The following NFATC3 variants were observed in gnomAD, a reference collection of about 807,000 sequenced individuals.
NFATC3 encodes the protein nuclear factor of activated T-cells, cytoplasmic 3.
Under a neutral mutation model 98.6 loss-of-function variants are expected in NFATC3, and 46 were observed. That is an observed-to-expected ratio of 0.47 (90% CI 0.37 to 0.60). NFATC3 has a LOEUF of 0.60. NFATC3 is among the 20% of genes least tolerant of loss of function. The probability of loss-of-function intolerance (pLI) is 0.00; values close to 1 mark genes in which losing one functional copy is unlikely to be tolerated. For missense variants in NFATC3, 1,256 were observed against 1,295.5 expected (o/e 0.97, Z 0.47); for synonymous variants, 512 against 472.2 (o/e 1.08, Z -1.09).
At chr16:68,160,469 C>CA (rs2038839420) in intron 4 of NFATC3, among the ~76,000 whole-genome samples, 1 of 150,780 alleles carries the variant, frequency 6.6e-6, no homozygotes, top group Admixed American at 6.6e-5. Context: ...AGTCTCAAAA[C>CA]AAAAAACAAA....
chr16:68,205,630 C>T (rs766773706), intron 9 of NFATC3, among the ~76,000 whole-genome samples: 23 of 152,116 alleles, frequency 1.5e-4, no homozygotes, highest in Non-Finnish European at 2.5e-4. Context: ...TAAGTAGATA[C>T]TCCATTGTCC....
rs532459944 is a variant in NFATC3 at position 68,111,874 on chromosome 16, A to C, written c.104-10113A>C. On this transcript the variant is annotated intron_variant, in intron 1 of 9. Coordinates refer to ENST00000346183, the MANE Select transcript of NFATC3 (RefSeq NM_173165.3). ...CTGAAAAGGACTTTATTTCTCTTTC[A>C]CTTACGAAGCTTAATTTGTCCGGAT... Among the ~76,000 whole-genome samples the C allele has an allele frequency of 2.6e-5, 4 of 152,270 alleles. No individual in the cohort carries two copies. In the East Asian group the frequency reaches 7.7e-4, roughly 29 times the overall value.
rs2037743422 is a variant in NFATC3 at position 68,141,331 on chromosome 16, G to A, written c.1401+14721G>A. 2.6e-5 allele frequency among the ~76,000 whole-genome samples: 4 copies of A among 152,200 alleles called. No individual in the cohort carries two copies. The South Asian group carries it at 8.3e-4, about 31-fold the overall frequency. On this transcript the variant is annotated intron_variant, in intron 3 of 9. Coordinates refer to ENST00000346183, the MANE Select transcript of NFATC3 (RefSeq NM_173165.3). Reference sequence around the variant, plus strand: ...CCTTTGTATAGATACCTGGTAGTGGGATGGTCGGATTGAATGGTAGATCTA... The same window carrying A: ...CCTTTGTATAGATACCTGGTAGTGGAATGGTCGGATTGAATGGTAGATCTA...
At position 68,192,224 on chromosome 16, in the gene NFATC3, A is replaced by AT. The variant is rs1241835522; in HGVS notation, c.3106+449_3106+450insT. ...CTCCGTCTCGGGAAAAAAAAAAAAAAAAAAAAATATATATATATATATATA... is the reference window on the plus strand; with the variant it reads ...CTCCGTCTCGGGAAAAAAAAAAAAAATAAAAAAATATATATATATATATATA... On this transcript the variant is annotated intron_variant, in intron 9 of 9. Coordinates refer to ENST00000346183, the MANE Select transcript of NFATC3 (RefSeq NM_173165.3). 155 of 67,074 alleles carry AT rather than the reference A, an allele frequency of 2.3e-3. 6 individuals carry two copies. Among genetic ancestry groups the AT allele is most frequent in the East Asian group, 8.1e-3 (9 of 1,108 alleles). 4.2% of individuals were successfully genotyped at this position (67,074 alleles called of 1,614,324 possible).
intron 1 of NFATC3, chr16:68,086,005 G>T (rs1056132906): frequency 2.3e-6 from 1 of 434,336 alleles, no homozygotes; most frequent in African/African-American, 2.1e-5. Context: ...AAGCAAACTA[G>T]TGGGGAACTC....
intron 3 of NFATC3, among the ~76,000 whole-genome samples, chr16:68,145,439 G>A (rs2037994555): frequency 6.6e-6 from 1 of 152,082 alleles, no homozygotes; most frequent in African/African-American, 2.4e-5. Context: ...GAGCCTCCAC[G>A]CCCTGCTGCA....
intron 1 of NFATC3, among the ~76,000 whole-genome samples, chr16:68,103,023 T>C (rs1194330424): frequency 6.6e-6 from 1 of 152,176 alleles, no homozygotes; most frequent in Non-Finnish European, 1.5e-5. Flanking sequence ...AAATGCCTAT[T>C]CATGTGCTTT....
rs781253462 is a variant in NFATC3 at position 68,191,522 on chromosome 16, T to C, written c.2853T>C (p.Pro951=). The part of the protein sequence containing the change: ...GPPSPQLQPM[P]YQSPSSGTAS... ...CATCTCCTCAGCTTCAGCCTATGCC[T>C]TACCAATCTCCTAGCTCAGGAACTG... Residue 951 remains proline (P), a synonymous_variant, in exon 9 of 10, where the codon CCT becomes CCC. Transcript: ENST00000346183. The C allele has an allele frequency of 2.5e-6, 4 of 1,614,020 alleles. No individual in the cohort carries two copies. In the African/African-American group the frequency reaches 4.0e-5, roughly 16 times the overall value.
chr16:68,192,319 G>GTATATATATATATATGTATGTGTATA (rs750414443), intron 9 of NFATC3: 2 of 130,782 alleles, frequency 1.5e-5, no homozygotes, highest in Non-Finnish European at 3.2e-5. Context: ...ATATGTATGT[G>GTATATATATATATATGTATGTGTATA]TATATATATA....
At chr16:68,110,968 G>A (rs916461271) in intron 1 of NFATC3, among the ~76,000 whole-genome samples, 2 of 152,328 alleles carry the variant, frequency 1.3e-5, no homozygotes, top group Non-Finnish European at 2.9e-5. Flanking sequence ...GTGGGTTTGA[G>A]TGAGTTTCTT....
intron 9 of NFATC3, chr16:68,214,535 C>A: frequency 3.4e-6 from 3 of 894,522 alleles, no homozygotes; most frequent in Non-Finnish European, 5.4e-6. Flanking sequence ...TATGCACGGG[C>A]ATTTTCTGGT....
chr16:68,213,474 T>C (rs1033703167), intron 9 of NFATC3, among the ~76,000 whole-genome samples: 1 of 151,412 alleles, frequency 6.6e-6, no homozygotes, highest in Non-Finnish European at 1.5e-5. Context: ...AAAAAAATAC[T>C]AGTTTCAACT....
At chr16:68,168,216 G>A (rs1413905990) in intron 5 of NFATC3, among the ~76,000 whole-genome samples, 1 of 151,528 alleles carries the variant, frequency 6.6e-6, no homozygotes, top group Non-Finnish European at 1.5e-5. Context: ...GCTGGAATGT[G>A]GTGGCGCAAT....
chr16:68,106,749 TTTTAA>T (rs898375296), intron 1 of NFATC3, among the ~76,000 whole-genome samples: 5 of 151,904 alleles, frequency 3.3e-5, no homozygotes, highest in African/African-American at 7.3e-5. Flanking sequence ...GTTGTTTTTT[TTTTAA>T]TTTAATTTAA....
Position 68,085,713 on chromosome 16 carries a change from A to C in NFATC3, c.32A>C (p.Glu11Ala). MTTANCGAHD[E>A]LDFKLVFGED... ...ACTGCAAACTGTGGCGCCCACGACG[A>C]GCTCGACTTCAAACTCGTCTTTGGC... The change falls in exon 1 of 10, where the codon GAG (glutamate) becomes GCG (alanine). Residue 11 changes from glutamate (E) to alanine (A), a missense_variant. By Grantham distance (107) the Glu-to-Ala change is moderately radical. Around this residue, in one of 3 missense-constraint regions of NFATC3, gnomAD observed 464 missense variants for 465.7 expected, o/e 1.00. Coordinates refer to ENST00000346183, the MANE Select transcript of NFATC3 (RefSeq NM_173165.3). 6.6e-7 allele frequency: 1 copy of C among 1,515,140 alleles called. No homozygotes were observed. Among genetic ancestry groups the C allele is most frequent in the Non-Finnish European group, 8.8e-7 (1 of 1,133,610 alleles). The allele number at this position is 1,515,140 out of a possible 1,614,324, so 93.9% of individuals were successfully genotyped here. A position where few individuals can be genotyped will look rare whatever the true frequency, so the allele number is the denominator to read the frequency against.
At chr16:68,097,010 G>A (rs1249680480) in intron 1 of NFATC3, among the ~76,000 whole-genome samples, 1 of 152,180 alleles carries the variant, frequency 6.6e-6, no homozygotes, top group African/African-American at 2.4e-5. Flanking sequence ...ACATGTATTT[G>A]AGAAATGATA....
intron 3 of NFATC3, among the ~76,000 whole-genome samples, chr16:68,151,836 AGGC>A (rs1415579265): frequency 6.6e-6 from 1 of 152,208 alleles, no homozygotes; most frequent in African/African-American, 2.4e-5. Context: ...TGGGAGGCCG[AGGC>A]AGGTGGATCA....
In NFATC3 at chr16:68,122,113, C is replaced by T. The variant is rs760492099; in HGVS notation, c.230C>T (p.Ser77Leu). 51 of 1,613,976 alleles carry T rather than the reference C, an allele frequency of 3.2e-5. No homozygotes were observed. The Admixed American group carries it at 5.8e-4, about 18-fold the overall frequency. The change falls in exon 2 of 10, where the codon TCG becomes TTG. Residue 77 changes from serine (S) to leucine (L), a missense_variant. Around this residue, in one of 3 missense-constraint regions of NFATC3, gnomAD observed 464 missense variants for 465.7 expected, o/e 1.00. Coordinates refer to ENST00000346183, the MANE Select transcript of NFATC3 (RefSeq NM_173165.3). ...TCTCACTCTTCTGTTTTGTCACCAT[C>T]GTTTCAGCTCCAAAGTCACAAAAAC... ...LPSHSSVLSP[S>L]FQLQSHKNYE...
intron 4 of NFATC3, among the ~76,000 whole-genome samples, chr16:68,161,775 G>A (rs931140599): frequency 1.8e-4 from 28 of 151,810 alleles, no homozygotes; most frequent in Admixed American, 1.6e-3. Flanking sequence ...TATCTATATT[G>A]TAAAATGCCT....
Sources: allele counts gnomAD v4.1 joint callset (sites outside exome capture counted in the v4.1 genomes callset), GRCh38; gene constraint gnomAD v4.1.1; regional missense constraint gnomAD v4.1.1; transcripts MANE v1.5; gene names NCBI Gene and HGNC (gene_info 2026-07-23, HGNC 2026-07-21).